DSC3: variants seen among roughly 807,000 people sequenced by gnomAD.
The protein encoded by DSC3 is desmocollin-3.
DSC3 carries 97 observed loss-of-function variants against 89.5 expected under a neutral mutation model. The ratio of observed to expected loss-of-function variants is 1.08; its 90% CI spans 0.92 to 1.28. The LOEUF (loss-of-function observed/expected upper bound fraction) is 1.28. Ranked by LOEUF, DSC3 falls within the 50% of genes most tolerant of loss-of-function variation. The pLI is 0.00. For missense variants in DSC3, 1,199 were observed against 1,085.3 expected (o/e 1.10, Z -1.47); for synonymous variants, 436 against 384.1 (o/e 1.14, Z -1.58).
intron 1 of DSC3, among the ~76,000 whole-genome samples, chr18:31,033,802 A>G (rs1985880608): frequency 6.6e-6 from 1 of 152,208 alleles, no homozygotes; most frequent in African/African-American, 2.4e-5. Context: ...AAAGTGAAAA[A>G]TACAACAACT....
chr18:31,025,938 CA>C (rs770718934), intron 4 of DSC3, 23 bp from the exon 5 acceptor site: 5 of 1,602,876 alleles, frequency 3.1e-6, no homozygotes, highest in Non-Finnish European at 3.4e-6. Flanking sequence ...AAAAAATATG[CA>C]AAAAAATTAA....
chr18:31,030,597 T>G (rs1371501659), intron 3 of DSC3, among the ~76,000 whole-genome samples: 1 of 151,988 alleles, frequency 6.6e-6, no homozygotes, highest in African/African-American at 2.4e-5. Flanking sequence ...GAGAAATAAT[T>G]CAGATTTAAT....
In DSC3 at chr18:31,042,575, G is replaced by A. The variant is rs373234967; in HGVS notation, c.69+17C>T. 3 of 1,549,794 alleles carry A rather than the reference G, an allele frequency of 1.9e-6. No homozygotes were observed. The highest frequency in any genetic ancestry group is 1.4e-5 in the African/African-American group (1 of 73,112). On this transcript the variant is annotated intron_variant, in intron 1 of 15. Coordinates refer to ENST00000360428, the MANE Select transcript of DSC3 (RefSeq NM_001941.5). ...CCCCGTCCCCACCCCAGCCCTATCCGGCGAGATCTGGCTTACCACGAGGGT... is the reference window on the plus strand; with the variant it reads ...CCCCGTCCCCACCCCAGCCCTATCCAGCGAGATCTGGCTTACCACGAGGGT...
At chr18:31,015,158 A>T (rs886887823) in intron 9 of DSC3, among the ~76,000 whole-genome samples, 2 of 152,184 alleles carry the variant, frequency 1.3e-5, no homozygotes, top group African/African-American at 4.8e-5. Context: ...CTTATGTTTT[A>T]AAATAATGGA....
intron 9 of DSC3, among the ~76,000 whole-genome samples, chr18:31,012,712 A>C (rs1407808941): frequency 6.6e-6 from 1 of 152,214 alleles, no homozygotes; most frequent in African/African-American, 2.4e-5. Flanking sequence ...AGATGGAAAA[A>C]AAGAAGGAAA....
At chr18:31,011,809 A>G (rs1468916742) in intron 9 of DSC3, among the ~76,000 whole-genome samples, 1 of 151,956 alleles carries the variant, frequency 6.6e-6, no homozygotes, top group African/African-American at 2.4e-5. Flanking sequence ...CCTGGGCAAC[A>G]CGGTGAAACC....
intron 4 of DSC3, 53 bp from the exon 5 acceptor site, chr18:31,025,968 T>A: frequency 6.6e-7 from 1 of 1,510,378 alleles, no homozygotes; most frequent in Non-Finnish European, 9.1e-7. Context: ...TCAGTTACAA[T>A]ATTTTTTAAA....
intron 9 of DSC3, among the ~76,000 whole-genome samples, chr18:31,010,742 A>T (rs1338098847): frequency 6.6e-6 from 1 of 152,176 alleles, no homozygotes; most frequent in East Asian, 1.9e-4. Flanking sequence ...AAGGACCAAG[A>T]ATAATACTAT....
At chr18:31,004,741 T>C (rs1383125499) in intron 12 of DSC3, among the ~76,000 whole-genome samples, 1 of 152,146 alleles carries the variant, frequency 6.6e-6, no homozygotes, top group Admixed American at 6.5e-5. Flanking sequence ...ACGTTTCTTA[T>C]CCATTGACCT....
intron 14 of DSC3, 50 bp downstream of exon 14, chr18:31,001,568 G>T: frequency 6.3e-7 from 1 of 1,589,542 alleles, no homozygotes; most frequent in South Asian, 1.1e-5. Flanking sequence ...TTATGAGGAT[G>T]AATTAAATTA....
intron 7 of DSC3, 89 bp downstream of exon 7, chr18:31,022,247 T>G: frequency 6.8e-7 from 1 of 1,477,664 alleles, no homozygotes; most frequent in South Asian, 1.2e-5. Flanking sequence ...AAAATTAAAC[T>G]ATTAATCCAC....
chr18:31,018,897 C>T, intron 7 of DSC3, 97 bp from the exon 8 acceptor site: 1 of 1,117,450 alleles, frequency 8.9e-7, no homozygotes. Flanking sequence ...CATACACACA[C>T]ATCTGTGTGT....
At chr18:31,037,052 A>T (rs934166392) in intron 1 of DSC3, among the ~76,000 whole-genome samples, 2 of 151,866 alleles carry the variant, frequency 1.3e-5, no homozygotes, top group Non-Finnish European at 2.9e-5. Context: ...CAGCCTCCCA[A>T]AGTGCTGGGA....
In DSC3 at chr18:31,031,076, G is replaced by A; in HGVS notation, c.251C>T (p.Ala84Val). The change falls in exon 3 of 16, where the codon GCT (alanine) becomes GTT (valine). Residue 84 changes from alanine (A) to valine (V), a missense_variant. Physicochemically the swap from Ala to Val is moderately conservative, Grantham distance 64. Coordinates refer to ENST00000360428, the MANE Select transcript of DSC3 (RefSeq NM_001941.5). ...TCTTTTCTTATCAGACAGCGCAACAGCCCTGGCTGTGTACACTGACCCATC... is the reference window on the plus strand; with the variant it reads ...TCTTTTCTTATCAGACAGCGCAACAACCCTGGCTGTGTACACTGACCCATC... ...LNDGSVYTAR[A>V]VALSDKKRSF... The A allele has an allele frequency of 6.2e-7, 1 of 1,614,012 alleles. No individual in the cohort carries two copies. The highest frequency in any genetic ancestry group is 1.1e-5 in the South Asian group (1 of 91,082).
At chr18:30,995,996 A>AAAAAAAAGAAAG (rs1555631968) in intron 15 of DSC3, among the ~76,000 whole-genome samples, 10 of 136,408 alleles carry the variant, frequency 7.3e-5, no homozygotes, top group African/African-American at 1.8e-4. Context: ...AAAAAAAAAA[A>AAAAAAAAGAAAG]AAAGAAAAGA....
Position 31,008,427 on chromosome 18 carries a change from G to A in DSC3, c.1362C>T (p.Asn454=), listed in dbSNP as rs776083703. Residue 454 remains asparagine (N), a synonymous_variant, in exon 10 of 16, where the codon AAC becomes AAT. Coordinates refer to ENST00000360428, the MANE Select transcript of DSC3 (RefSeq NM_001941.5). ...TCACATGAACTGTAACCAAGGCTCT[G>A]TTCAAGGCTGTCACTCTGGGAATAT... The part of the protein sequence containing the change: ...ARDIPRVTAL[N]RALVTVHVRD... 3.7e-5 allele frequency: 59 copies of A among 1,614,018 alleles called. No individual in the cohort carries two copies. The highest frequency in any genetic ancestry group is 4.6e-5 in the Non-Finnish European group (54 of 1,180,030).
intron 9 of DSC3, among the ~76,000 whole-genome samples, chr18:31,013,917 T>A (rs1985151307): frequency 6.6e-6 from 1 of 152,156 alleles, no homozygotes; most frequent in African/African-American, 2.4e-5. Context: ...ATTTACATTG[T>A]AGTATATTCA....
At chr18:31,031,202 T>A in intron 2 of DSC3, 30 bp from the exon 3 acceptor site, 1 of 1,488,520 alleles carries the variant, frequency 6.7e-7, no homozygotes, top group East Asian at 2.3e-5. Context: ...AGTTGTAAGG[T>A]AAAAACACAT....
rs1430715772 is a variant in DSC3, at chr18:31,042,617, C to G, written c.44G>C (p.Cys15Ser). 4 of 1,550,368 alleles carry G rather than the reference C, an allele frequency of 2.6e-6. No homozygotes were observed. The highest frequency in any genetic ancestry group is 3.5e-6 in the Non-Finnish European group (4 of 1,146,910). Residue 15 changes from cysteine to serine, a missense_variant, in exon 1 of 16, where the codon TGC becomes TCC. Physicochemically the swap from Cys to Ser is moderately radical, Grantham distance 112. Coordinates refer to ENST00000360428, the MANE Select transcript of DSC3 (RefSeq NM_001941.5). ...CACGAGGGTCAGCAGCAGATGCAGG[C>G]AGACGGCTCCGCGCACGGAGCGCCG... ...GPRRSVRGAV[C>S]LHLLLTLVIF...
Sources: allele counts gnomAD v4.1 joint callset (sites outside exome capture counted in the v4.1 genomes callset), GRCh38; gene constraint gnomAD v4.1.1; transcripts MANE v1.5; gene names NCBI Gene and HGNC (gene_info 2026-07-23, HGNC 2026-07-21).